Variants in NLRP14 observed in about 807,000 individuals in gnomAD.
The protein encoded by NLRP14 is NLR family pyrin domain containing 14, also known as NACHT, LRR and PYD domains-containing protein 14.
NLRP14 carries 105 observed loss-of-function variants against 94.7 expected under a neutral mutation model. The observed-to-expected ratio is 1.11, with a 90% CI of 0.95 to 1.30. NLRP14 has a LOEUF of 1.30. Ranked by LOEUF, NLRP14 falls within the 50% of genes most tolerant of loss-of-function variation. The probability of loss-of-function intolerance (pLI) is 0.00; values close to 1 mark genes in which losing one functional copy is unlikely to be tolerated. For missense variants in NLRP14, 1,362 were observed against 1,254.1 expected (o/e 1.09, Z -1.30); for synonymous variants, 508 against 459.9 (o/e 1.10, Z -1.34).
chr11:7,069,845 TCGAACTCCTAACCTCAGATGATCTGC>T (rs1852765310), intron 10 of NLRP14, among the ~76,000 whole-genome samples: 2 of 152,234 alleles, frequency 1.3e-5, no homozygotes, highest in Non-Finnish European at 2.9e-5. Flanking sequence ...CTGGTTGGTC[TCGAACTCCTAACCTCAGATGATCTGC>T]CCACCTCAGC....
chr11:7,080,968 G>T, the NLRP14 span, among the ~76,000 whole-genome samples: 5 of 152,012 alleles, frequency 3.3e-5, no homozygotes, highest in African/African-American at 1.2e-4. Context: ...TGGTGGGGTT[G>T]GAATCTCTCA....
chr11:7,025,368 T>A (rs1458501301), intron 1 of NLRP14, among the ~76,000 whole-genome samples: 1 of 152,150 alleles, frequency 6.6e-6, no homozygotes, highest in Non-Finnish European at 1.5e-5. Context: ...TTTTCAAGAA[T>A]TCAGAGCCTG....
At chr11:7,049,650 C>T (rs760893491) in intron 5 of NLRP14, 21 bp from the exon 6 acceptor site, 4 of 1,577,874 alleles carry the variant, frequency 2.5e-6, no homozygotes, top group Admixed American at 1.7e-5. Context: ...GTAATACCTC[C>T]TGCATATTTT....
At chr11:7,089,055 G>C in the NLRP14 span, 1 of 1,554,928 alleles carries the variant, frequency 6.4e-7, no homozygotes, top group Non-Finnish European at 8.8e-7. Flanking sequence ...GAGCGAGCTC[G>C]AAGGCTGCGA....
chr11:7,062,879 T>G lies in NLRP14; in HGVS notation c.2975+376T>G, dbSNP rs186497935. On this transcript the variant is annotated intron_variant, in intron 10 of 11. Coordinates refer to ENST00000299481, the MANE Select transcript of NLRP14 (RefSeq NM_176822.4). ...GTAAAATACTATGTTCTTAAGGAGCTTGTAATAAAATCACATTCTGTGTTG... is the reference window on the plus strand; with the variant it reads ...GTAAAATACTATGTTCTTAAGGAGCGTGTAATAAAATCACATTCTGTGTTG... Among the ~76,000 whole-genome samples the G allele has an allele frequency of 3.8e-4, 58 of 152,266 alleles. No individual in the cohort carries two copies. In the South Asian group the frequency reaches 0.011, roughly 28 times the overall value.
At chr11:7,061,032 A>G (rs1260396509) in intron 9 of NLRP14, among the ~76,000 whole-genome samples, 1 of 152,060 alleles carries the variant, frequency 6.6e-6, no homozygotes, top group African/African-American at 2.4e-5. Flanking sequence ...CCAAGTGACC[A>G]GCAACTTTTG....
At chr11:7,075,388 T>C (rs1852863162), downstream of NLRP14, among the ~76,000 whole-genome samples, 1 of 152,336 alleles carries the variant, frequency 6.6e-6, no homozygotes, top group South Asian at 2.1e-4. Flanking sequence ...ATAGGAGGAA[T>C]ATTATAATTT....
chr11:7,024,991 G>C (rs1565008696), intron 1 of NLRP14, among the ~76,000 whole-genome samples: 1 of 152,014 alleles, frequency 6.6e-6, no homozygotes, highest in African/African-American at 2.4e-5. Context: ...TAGAAAAAAA[G>C]AAAGAGGAGT....
chr11:7,057,989 C>G (rs1001913566), intron 7 of NLRP14, 142 bp downstream of exon 7: 16 of 749,466 alleles, frequency 2.1e-5, no homozygotes, highest in Non-Finnish European at 3.8e-5. Flanking sequence ...ATGCATCCCC[C>G]TTCTCTTCCT....
chr11:7,045,344 T>A (rs1325585106), intron 4 of NLRP14, among the ~76,000 whole-genome samples: 1 of 152,206 alleles, frequency 6.6e-6, no homozygotes, highest in African/African-American at 2.4e-5. Context: ...TTCTGGCCAC[T>A]AGATTGCCAG....
intron 1 of NLRP14, among the ~76,000 whole-genome samples, chr11:7,026,591 A>G (rs1280825220): frequency 6.6e-6 from 1 of 152,130 alleles, no homozygotes; most frequent in East Asian, 1.9e-4. Flanking sequence ...TGTGGAAGTC[A>G]GTGTGGCGAT....
In NLRP14 at chr11:7,035,284, C is replaced by A. The variant is rs184423029; in HGVS notation, c.-21-3282C>A. 3.5e-4 allele frequency among the ~76,000 whole-genome samples: 54 copies of A among 152,258 alleles called. No individual in the cohort carries two copies. In the East Asian group the frequency reaches 0.01, roughly 28 times the overall value. ...GAGGTTGCAGTGAGTGGAGATCCAC[C>A]ACTACACTCCAGCCTGGGCGACAGA... On this transcript the variant is annotated intron_variant, in intron 1 of 11. Transcript: ENST00000299481.
the NLRP14 span, among the ~76,000 whole-genome samples, chr11:7,082,233 A>G: frequency 6.6e-6 from 1 of 152,226 alleles, no homozygotes; most frequent in African/African-American, 2.4e-5. Flanking sequence ...AGTGTGGTAT[A>G]GGAATAGGAG....
Position 7,043,074 on chromosome 11 carries a change from A to G in NLRP14, c.1048A>G (p.Met350Val), listed in dbSNP as rs1428816100. 12 of 1,614,050 alleles carry G rather than the reference A, an allele frequency of 7.4e-6. No individual in the cohort carries two copies. The highest frequency in any genetic ancestry group is 1.1e-5 in the South Asian group (1 of 91,092). Residue 350 changes from methionine to valine, a missense_variant, in exon 4 of 12, where the codon ATG (methionine) becomes GTG (valine). Coordinates refer to ENST00000299481, the MANE Select transcript of NLRP14 (RefSeq NM_176822.4). Reference protein sequence around the residue: ...YQFFEDKRWAMKVFSSLKSNE... With the variant: ...YQFFEDKRWAVKVFSSLKSNE... Reference sequence around the variant, plus strand: ...GTTTTTTGAAGATAAGAGGTGGGCCATGAAAGTATTCAGTTCACTAAAAAG... The same window carrying G: ...GTTTTTTGAAGATAAGAGGTGGGCCGTGAAAGTATTCAGTTCACTAAAAAG...
At chr11:7,047,595 A>G (rs117408111) in intron 5 of NLRP14, among the ~76,000 whole-genome samples, 11,352 of 149,666 alleles carry the variant, frequency 0.076, 505 homozygotes, top group South Asian at 0.14. Context: ...CATGAGCCAC[A>G]ATGTCCAGCC....
At position 7,021,057 on chromosome 11, in the gene NLRP14, C is replaced by T. The variant is rs552621208; in HGVS notation, c.-22+287C>T. On this transcript the variant is annotated intron_variant, in intron 1 of 11. Transcript: ENST00000299481. ...TTGGGCCCTGTCCTTCAAACTTGGGCTGGATCAGTAATATTCAAACATTTT... is the reference window on the plus strand; with the variant it reads ...TTGGGCCCTGTCCTTCAAACTTGGGTTGGATCAGTAATATTCAAACATTTT... 2.0e-5 allele frequency among the ~76,000 whole-genome samples: 3 copies of T among 152,234 alleles called. No homozygotes were observed. In the South Asian group the frequency reaches 6.2e-4, roughly 32 times the overall value.
chr11:7,090,192 T>C, the NLRP14 span: 1 of 1,613,418 alleles, frequency 6.2e-7, no homozygotes, highest in Non-Finnish European at 8.5e-7. Context: ...GGAAAGGGGC[T>C]GCCCTCCCCA....
intron 2 of NLRP14, among the ~76,000 whole-genome samples, chr11:7,039,240 T>A (rs1353841591): frequency 1.3e-5 from 2 of 152,178 alleles, no homozygotes; most frequent in African/African-American, 2.4e-5. Flanking sequence ...TGCTGAAATA[T>A]GAGGAATGGG....
chr11:7,043,342 C>G lies in NLRP14; in HGVS notation c.1316C>G (p.Thr439Ser). ...GCTGCCAAAGGAATATGGACTATGA[C>G]TTACGTGTTTTACAGAGAAAATCTC... ...QVAAKGIWTMTYVFYRENLRR... is the reference protein window; with the variant it reads ...QVAAKGIWTMSYVFYRENLRR... Residue 439 changes from threonine (T) to serine (S), a missense_variant, in exon 4 of 12, where the codon ACT (threonine) becomes AGT (serine). Thr to Ser is a moderately conservative substitution (Grantham distance 58, BLOSUM62 1). Coordinates refer to ENST00000299481, the MANE Select transcript of NLRP14 (RefSeq NM_176822.4). 1.2e-6 allele frequency: 2 copies of G among 1,614,204 alleles called. No individual in the cohort carries two copies. The highest frequency in any genetic ancestry group is 1.7e-6 in the Non-Finnish European group (2 of 1,180,022).
Sources: gnomAD v4.1 joint callset for allele counts (sites outside exome capture counted in the v4.1 genomes callset) on GRCh38, gnomAD v4.1.1 for gene constraint, MANE v1.5 for transcripts, NCBI Gene and HGNC (gene_info 2026-07-23, HGNC 2026-07-21) for gene names.